Variants in RNF207 observed in about 807,000 individuals in gnomAD.
The protein encoded by RNF207 is ring finger protein 207.
Under a neutral mutation model 79.0 loss-of-function variants are expected in RNF207, and 72 were observed. The observed-to-expected ratio is 0.91, with a 90% CI of 0.75 to 1.11. The LOEUF is 1.11. RNF207 is among the 50% of genes least tolerant of loss of function. The pLI is 0.00. For missense variants in RNF207, 936 were observed against 855.8 expected, an observed-to-expected ratio of 1.09 and a Z score of -1.17; for synonymous variants, 348 against 366.2, an observed-to-expected ratio of 0.95 and a Z score of 0.57.
rs555430914 is a variant in RNF207, at chr1:6,217,661, T to C, written c.1653-628T>C. Reference sequence around the variant, plus strand: ...CACCCCCAAGTCCTGCTGGCTCTACTGTTCCTGCCTCAATCCACCCGCTTT... The same window carrying C: ...CACCCCCAAGTCCTGCTGGCTCTACCGTTCCTGCCTCAATCCACCCGCTTT... On this transcript the variant is annotated intron_variant, in intron 16 of 17. Transcript: ENST00000377939. This position sits in a 1 kb window ranked among gnomAD's most constrained non-coding sequence, Gnocchi z 4.2. Among the ~76,000 whole-genome samples the C allele has an allele frequency of 2.6e-5, 4 of 152,304 alleles. No homozygotes were observed. Among genetic ancestry groups the C allele is most frequent in the African/African-American group, 9.6e-5 (4 of 41,566 alleles).
rs751574698 is a variant in RNF207 at position 6,209,503 on chromosome 1, G to C, written c.717G>C (p.Glu239Asp). ...VEEVRHSAAE[E>D]EDAIHALFGS... ...AGGTGCGGCACAGCGCCGCCGAGGAGGAGGACGCTATCCACGCCCTCTTCG... is the reference window on the plus strand; with the variant it reads ...AGGTGCGGCACAGCGCCGCCGAGGACGAGGACGCTATCCACGCCCTCTTCG... Residue 239 changes from glutamate (E) to aspartate (D), a missense_variant, in exon 7 of 18, where the codon GAG becomes GAC. Transcript: ENST00000377939. The C allele has an allele frequency of 6.8e-7, 1 of 1,477,308 alleles. No homozygotes were observed. The allele number at this position is 1,477,308 out of a possible 1,614,324, so 91.5% of individuals were successfully genotyped here.
Position 6,208,936 on chromosome 1 carries a change from G to A in RNF207, c.380G>A (p.Cys127Tyr), listed in dbSNP as rs1342239661. ...NTCGQPLCARCRDETHRARMF... is the reference protein window; with the variant it reads ...NTCGQPLCARYRDETHRARMF... ...TGCGGACAGCCCCTATGCGCGCGCT[G>A]CCGCGACGAGACGCACCGAGCACGC... Residue 127 changes from cysteine (C) to tyrosine (Y), a missense_variant, in exon 4 of 18, where the codon TGC becomes TAC. Cys to Tyr is a radical substitution (Grantham distance 194). Coordinates refer to ENST00000377939, the MANE Select transcript of RNF207 (RefSeq NM_207396.3). 16 of 1,534,856 alleles carry A rather than the reference G, an allele frequency of 1.0e-5. No individual in the cohort carries two copies. The highest frequency in any genetic ancestry group is 1.4e-5 in the Non-Finnish European group (16 of 1,145,584).
At chr1:6,212,178 G>T in intron 13 of RNF207, 53 bp from the exon 14 acceptor site, 1 of 1,570,550 alleles carries the variant, frequency 6.4e-7, no homozygotes, top group Non-Finnish European at 8.7e-7. Flanking sequence ...CAAGTCCATG[G>T]CAGTAAAAAC....
At chr1:6,210,330 T>C in intron 9 of RNF207, 35 bp downstream of exon 9, 2 of 1,612,576 alleles carry the variant, frequency 1.2e-6, no homozygotes, top group Non-Finnish European at 1.7e-6. Context: ...GGGTCCCTCC[T>C]CCTCCCCGGC....
Position 6,208,852 on chromosome 1 carries a change from G to A in RNF207, c.325-29G>A, listed in dbSNP as rs1023613500. 2.6e-6 allele frequency: 4 copies of A among 1,517,348 alleles called. No homozygotes were observed. The African/African-American group carries it at 4.2e-5, about 16-fold the overall frequency. 94.0% of individuals were successfully genotyped at this position (1,517,348 alleles called of 1,614,324 possible). On this transcript the variant is annotated intron_variant, in intron 3 of 17. Coordinates refer to ENST00000377939, the MANE Select transcript of RNF207 (RefSeq NM_207396.3). Reference sequence around the variant, plus strand: ...CCGCGCTGGCCGCGGTCGGGCTCTGGCGCTCCTGAGCCCGCGCTCGGCCCG... The same window carrying A: ...CCGCGCTGGCCGCGGTCGGGCTCTGACGCTCCTGAGCCCGCGCTCGGCCCG...
At position 6,219,878 on chromosome 1, in the gene RNF207, C is replaced by G. The variant is rs1193572498; in HGVS notation, c.*471C>G. 6.6e-6 allele frequency: 1 copy of G among 152,530 alleles called. No individual in the cohort carries two copies. The allele number at this position is 152,530 out of a possible 1,614,324, so 9.4% of individuals were successfully genotyped here. On this transcript the variant is annotated 3_prime_UTR_variant, in exon 18 of 18. Coordinates refer to ENST00000377939, the MANE Select transcript of RNF207 (RefSeq NM_207396.3). ...TGGCGCAATCTCTGGCTCACCGCAACCTCCGCCTCCCAGGTTCAAGCGATT... is the reference window on the plus strand; with the variant it reads ...TGGCGCAATCTCTGGCTCACCGCAAGCTCCGCCTCCCAGGTTCAAGCGATT...
At chr1:6,206,368 G>A (rs1175137493) in intron 1 of RNF207, 66 bp downstream of exon 1, 2 of 587,716 alleles carry the variant, frequency 3.4e-6, no homozygotes, top group Non-Finnish European at 6.0e-6. Context: ...GGGAGCTCCA[G>A]GCCCCAGCCC....
In RNF207 at chr1:6,213,142, C is replaced by T. The variant is rs12063931; in HGVS notation, c.1611C>T (p.Tyr537=). The T allele has an allele frequency of 9.1e-4, 1,468 of 1,613,290 alleles. 13 individuals carry two copies. The African/African-American group carries it at 0.014, about 16-fold the overall frequency. ...CCATCACCAAGCAGATCACGCCCTA[C>T]GTCCGCTCCATTGCCAAGGTGAAGG... ...LTTITKQITP[Y]VRSIAKVKER... Residue 537 remains tyrosine, a synonymous_variant, in exon 16 of 18, where the codon TAC becomes TAT. Transcript: ENST00000377939.
At position 6,207,368 on chromosome 1, in the gene RNF207, C is replaced by T. The variant is rs756421410; in HGVS notation, c.192-11C>T. 1 of 1,501,512 alleles carries T rather than the reference C, an allele frequency of 6.7e-7. No individual in the cohort carries two copies. Among genetic ancestry groups the T allele is most frequent in the Non-Finnish European group, 8.9e-7 (1 of 1,125,222 alleles). The allele number at this position is 1,501,512 out of a possible 1,614,324, so 93.0% of individuals were successfully genotyped here. Reference sequence around the variant, plus strand: ...GGGTATCAGAATCTCGGGGCCTGGGCTTCTCTGCAGACACCAGACGGTGCT... The same window carrying T: ...GGGTATCAGAATCTCGGGGCCTGGGTTTCTCTGCAGACACCAGACGGTGCT... On this transcript the variant is annotated splice_polypyrimidine_tract_variant and intron_variant, in intron 2 of 17. Transcript: ENST00000377939. The surrounding 1 kb of genome is among the most constrained non-coding windows in gnomAD (Gnocchi z 4.5).
At chr1:6,218,515 G>A in intron 17 of RNF207, 146 bp downstream of exon 17, 1 of 616,766 alleles carries the variant, frequency 1.6e-6, no homozygotes, top group South Asian at 2.0e-5. Flanking sequence ...GGGTCAGAGA[G>A]GCTCTCAGCC....
Position 6,220,795 on chromosome 1 carries a change from A to G in RNF207, c.*1388A>G, listed in dbSNP as rs1476371486. ...GAGGAGCTTAATAAATGCTTTTTAA[A>G]AAGTAACCCACGTGACGTAAAATTT... is the stretch of plus-strand genomic sequence containing the variant. On this transcript the variant is annotated 3_prime_UTR_variant, in exon 18 of 18. Coordinates refer to ENST00000377939, the MANE Select transcript of RNF207 (RefSeq NM_207396.3). 2 of 152,238 alleles carry G rather than the reference A, an allele frequency of 1.3e-5. No individual in the cohort carries two copies. The highest frequency in any genetic ancestry group is 2.9e-5 in the Non-Finnish European group (2 of 68,038). 9.4% of individuals were successfully genotyped at this position (152,238 alleles called of 1,614,324 possible).
chr1:6,208,998 C>T lies in RNF207; in HGVS notation c.442C>T (p.Arg148Ter). The T allele has an allele frequency of 6.5e-6, 10 of 1,534,908 alleles. No homozygotes were observed. The highest frequency in any genetic ancestry group is 2.5e-5 in the East Asian group (1 of 40,664). Residue 148 changes from arginine (R) to a stop codon, truncating the protein, a stop_gained, in exon 4 of 18, where the codon CGA becomes TGA. Transcript: ENST00000377939. LOFTEE classifies it high-confidence loss of function. Reference sequence around the variant, plus strand: ...CCACGACATCGTGGCCCTGGGTCAGCGAAGCCGCGACGTGCCCCAGAAGTG... The same window carrying T: ...CCACGACATCGTGGCCCTGGGTCAGTGAAGCCGCGACGTGCCCCAGAAGTG... ...ARHDIVALGQ[R>*]SRDVPQKCTL...
intron 16 of RNF207, among the ~76,000 whole-genome samples, chr1:6,216,819 C>T (rs935413395): frequency 1.1e-4 from 16 of 151,826 alleles, no homozygotes; most frequent in African/African-American, 3.4e-4. Flanking sequence ...CCGCCAGCCT[C>T]GGCCTCCCAA....
At chr1:6,209,575 C>T (rs908576915) in intron 7 of RNF207, 36 bp downstream of exon 7, 7 of 1,432,476 alleles carry the variant, frequency 4.9e-6, no homozygotes, top group Admixed American at 6.1e-5. Context: ...ACGACCCAGC[C>T]GGGACCTGGT....
chr1:6,210,524 C>T (rs1668119773), intron 10 of RNF207, 86 bp downstream of exon 10: 4 of 1,048,906 alleles, frequency 3.8e-6, no homozygotes, highest in South Asian at 1.4e-5. Flanking sequence ...GGGTGGGCAG[C>T]CTGTCACCTG....
chr1:6,210,167 G>T (rs1668101077), intron 8 of RNF207, 56 bp from the exon 9 acceptor site: 1 of 1,495,404 alleles, frequency 6.7e-7, no homozygotes, highest in African/African-American at 1.4e-5. Context: ...GTGGGGGATG[G>T]AACTGCCCGG....
chr1:6,207,696 A>G lies in RNF207; in HGVS notation c.324+185A>G. On this transcript the variant is annotated intron_variant, in intron 3 of 17. Coordinates refer to ENST00000377939, the MANE Select transcript of RNF207 (RefSeq NM_207396.3). The surrounding 1 kb of genome is among the most constrained non-coding windows in gnomAD (Gnocchi z 4.5). ...ACCGGTGGGGAGACTGAGGTCCAGA[A>G]CAAGGGACTTGAGCCAGTGTCCAGA... 1 of 744,462 alleles carries G rather than the reference A, an allele frequency of 1.3e-6. No homozygotes were observed. The allele number at this position is 744,462 out of a possible 1,614,324, so 46.1% of individuals were successfully genotyped here. A position where few individuals can be genotyped will look rare whatever the true frequency, so the allele number is the denominator to read the frequency against.
rs144139448 is a variant in RNF207, at chr1:6,214,630, C to CTTTTTTTTT, written c.1652+1462_1652+1470dup. ...GTTGGCCAGGCTGGAATATTTCTTT[C>CTTTTTTTTT]TTTTTTTTTTTTTTTTTTTTTTTGA... On this transcript the variant is annotated intron_variant, in intron 16 of 17. Transcript: ENST00000377939. Among the ~76,000 whole-genome samples, 15 of 70,628 alleles carry CTTTTTTTTT rather than the reference C, an allele frequency of 2.1e-4. 1 individual carries two copies. The highest frequency in any genetic ancestry group is 8.2e-4 in the African/African-American group (12 of 14,620). The allele number at this position is 70,628 out of a possible 152,430, so 46.3% of individuals were successfully genotyped here. A position where few individuals can be genotyped will look rare whatever the true frequency, so the allele number is the denominator to read the frequency against.
intron 7 of RNF207, 31 bp from the exon 8 acceptor site, chr1:6,209,893 A>C: frequency 6.4e-7 from 1 of 1,562,036 alleles, no homozygotes. Flanking sequence ...GCTGGGGCGC[A>C]AATCAAGAGC....
Sources: gnomAD v4.1 joint callset for allele counts (sites outside exome capture counted in the v4.1 genomes callset) on GRCh38, gnomAD v4.1.1 for gene constraint, Gnocchi (gnomAD v3.1) non-coding constraint, MANE v1.5 for transcripts, NCBI Gene and HGNC (gene_info 2026-07-23, HGNC 2026-07-21) for gene names.